Variants in TENM2 observed in about 807,000 individuals in gnomAD.
TENM2 encodes teneurin transmembrane protein 2.
TENM2 carries 52 observed loss-of-function variants against 245.2 expected under a neutral mutation model. The ratio of observed to expected loss-of-function variants is 0.21; its 90% CI spans 0.17 to 0.27. The LOEUF (loss-of-function observed/expected upper bound fraction) is 0.27, where lower values mean the gene tolerates loss of function less well. Ranked by LOEUF, TENM2 falls within the 10% of genes least tolerant of loss-of-function variation. TENM2 has a pLI of 1.00. For missense variants in TENM2, 3,046 were observed against 3,666.8 expected (o/e 0.83, Z 4.37); for synonymous variants, 1,363 against 1,438.9 (o/e 0.95, Z 1.19).
chr5:167,355,945 G>C (rs1001426715), intron 1 of TENM2, among the ~76,000 whole-genome samples: 1 of 149,838 alleles, frequency 6.7e-6, no homozygotes, highest in African/African-American at 2.5e-5. Flanking sequence ...CACTTTGGGA[G>C]GCCGAGGCGG....
chr5:167,539,660 G>A (rs1486629004), intron 2 of TENM2, among the ~76,000 whole-genome samples: 1 of 152,120 alleles, frequency 6.6e-6, no homozygotes, highest in East Asian at 1.9e-4. Context: ...AGTGATTTAT[G>A]AAATATGACA....
intron 1 of TENM2, among the ~76,000 whole-genome samples, chr5:167,305,278 C>T (rs958941888): frequency 4.6e-5 from 7 of 152,180 alleles, no homozygotes; most frequent in African/African-American, 1.7e-4. Flanking sequence ...ACTGTGAGAG[C>T]TTTCTAGGAC....
chr5:167,277,191 A>C, the TENM2 span, among the ~76,000 whole-genome samples: 1 of 151,560 alleles, frequency 6.6e-6, no homozygotes, highest in Non-Finnish European at 1.5e-5. Flanking sequence ...TTGTTTTTGA[A>C]ATGGGAGCTT....
In TENM2 at chr5:168,218,463, C is replaced by T. The variant is rs191685378; in HGVS notation, c.4572C>T (p.Asn1524=). The change falls in exon 23 of 29, where the codon AAC becomes AAT. Residue 1524 remains asparagine (N), a synonymous_variant. Coordinates refer to ENST00000518659, the Ensembl canonical transcript of TENM2. This position sits in a 1 kb window ranked among gnomAD's most constrained non-coding sequence, Gnocchi z 5.2. ...CAGCCTCGGACTGCGACTGCAAAAA[C>T]GATGTCAATTGCAACTGCTATTCAG... 13 of 1,614,032 alleles carry T rather than the reference C, an allele frequency of 8.1e-6. No individual in the cohort carries two copies. Among genetic ancestry groups the T allele is most frequent in the East Asian group, 6.7e-5 (3 of 44,886 alleles).
the TENM2 span, among the ~76,000 whole-genome samples, chr5:167,166,336 A>G: frequency 6.6e-6 from 1 of 152,098 alleles, no homozygotes; most frequent in Non-Finnish European, 1.5e-5. Context: ...ATGCCTACAT[A>G]TTTGGTTTCC....
intron 25 of TENM2, among the ~76,000 whole-genome samples, chr5:168,239,107 C>T (rs1465310554): frequency 1.3e-5 from 2 of 152,158 alleles, no homozygotes; most frequent in Admixed American, 1.3e-4. Flanking sequence ...CCCACATGCT[C>T]TAAACTGGGG....
intron 23 of TENM2, among the ~76,000 whole-genome samples, chr5:168,225,881 C>CAGTT (rs1017911126): frequency 6.6e-6 from 1 of 151,966 alleles, no homozygotes; most frequent in Non-Finnish European, 1.5e-5. Context: ...GAGCTGAAGT[C>CAGTT]AGTTATATCA....
At chr5:167,192,304 C>T in the TENM2 span, among the ~76,000 whole-genome samples, 22 of 151,998 alleles carry the variant, frequency 1.4e-4, no homozygotes, top group South Asian at 2.1e-3. Flanking sequence ...TCTCGATTTA[C>T]GTGTGAAGAA....
chr5:167,736,976 T>A (rs1301724742), intron 2 of TENM2, among the ~76,000 whole-genome samples: 3 of 152,178 alleles, frequency 2.0e-5, no homozygotes, highest in East Asian at 3.9e-4. Flanking sequence ...GTCTCCCTAC[T>A]GAATGGCAGC....
intron 2 of TENM2, among the ~76,000 whole-genome samples, chr5:167,477,486 T>C (rs1010528791): frequency 2.0e-5 from 3 of 152,116 alleles, no homozygotes; most frequent in African/African-American, 4.8e-5. Context: ...ACAGAGGAAA[T>C]TGAATAAATA....
At chr5:167,185,937 A>AC in the TENM2 span, among the ~76,000 whole-genome samples, 1 of 152,128 alleles carries the variant, frequency 6.6e-6, no homozygotes, top group African/African-American at 2.4e-5. Flanking sequence ...ACCAAACCAC[A>AC]CTGACTCCTC....
chr5:167,061,877 C>G, the TENM2 span, among the ~76,000 whole-genome samples: 6 of 150,384 alleles, frequency 4.0e-5, no homozygotes, highest in Non-Finnish European at 7.4e-5. Flanking sequence ...ATCATTATCT[C>G]GTAGGCACAG....
intron 1 of TENM2, among the ~76,000 whole-genome samples, chr5:167,290,480 C>G (rs567647034): frequency 1.9e-3 from 293 of 152,172 alleles, no homozygotes; most frequent in Non-Finnish European, 3.4e-3. Flanking sequence ...GTGGCGATCA[C>G]TTGCTCTCCG....
chr5:167,366,638 T>C (rs979383098), intron 1 of TENM2, among the ~76,000 whole-genome samples: 2 of 152,194 alleles, frequency 1.3e-5, no homozygotes, highest in Non-Finnish European at 2.9e-5. Flanking sequence ...TTAGGCTATA[T>C]GGTGACTGTT....
rs748347150 is a variant in TENM2, at chr5:167,961,136, TC to T, written c.947+8316del. Among the ~76,000 whole-genome samples, 104 of 152,346 alleles carry T rather than the reference TC, an allele frequency of 6.8e-4. 1 individual carries two copies. The highest frequency in any genetic ancestry group is 9.6e-4 in the East Asian group (5 of 5,192). ...ACTGGGAGCTGCAGACCGGAGCTGT[TC>T]CTATTCGGCCATCTTGCCAGCCAGC... On this transcript the variant is annotated intron_variant, in intron 4 of 28. Coordinates refer to ENST00000518659, the Ensembl canonical transcript of TENM2.
At chr5:167,795,464 G>A (rs573819952) in intron 2 of TENM2, among the ~76,000 whole-genome samples, 4 of 152,162 alleles carry the variant, frequency 2.6e-5, no homozygotes, top group African/African-American at 9.6e-5. Flanking sequence ...AATGGGTTTT[G>A]GAAAAGATGT....
chr5:167,593,885 C>T (rs1434825110), intron 2 of TENM2, among the ~76,000 whole-genome samples: 1 of 152,130 alleles, frequency 6.6e-6, no homozygotes, highest in African/African-American at 2.4e-5. Flanking sequence ...TTCTCCCTCG[C>T]CTCAGTGAAA....
chr5:167,269,240 C>CT, the TENM2 span, among the ~76,000 whole-genome samples: 1 of 152,024 alleles, frequency 6.6e-6, no homozygotes, highest in African/African-American at 2.4e-5. Context: ...GCTCTAAGGC[C>CT]TTTTAAACAT....
At chr5:167,394,471 G>A (rs1187608952) in intron 2 of TENM2, among the ~76,000 whole-genome samples, 2 of 151,638 alleles carry the variant, frequency 1.3e-5, no homozygotes, top group Non-Finnish European at 2.9e-5. Context: ...TTATTCTATT[G>A]GTCTATGTGT....
Sources: gnomAD v4.1 joint callset for allele counts (sites outside exome capture counted in the v4.1 genomes callset) on GRCh38, gnomAD v4.1.1 for gene constraint, Gnocchi (gnomAD v3.1) non-coding constraint, MANE v1.5 for transcripts, NCBI Gene and HGNC (gene_info 2026-07-23, HGNC 2026-07-21) for gene names.